RBM19: variants seen among roughly 807,000 people sequenced by gnomAD.
RBM19 encodes the protein RNA binding motif protein 19.
Under a neutral mutation model 116.8 loss-of-function variants are expected in RBM19, and 94 were observed. That is an observed-to-expected ratio of 0.80 (90% CI 0.68 to 0.95). The LOEUF is 0.95. RBM19 is among the 40% of genes least tolerant of loss of function. The probability of loss-of-function intolerance (pLI) is 0.00; values close to 1 mark genes in which losing one functional copy is unlikely to be tolerated. For missense variants in RBM19, 1,161 were observed against 1,220.7 expected (o/e 0.95, Z 0.73); for synonymous variants, 475 against 494.1 (o/e 0.96, Z 0.51).
At chr12:113,858,980 A>T in intron 21 of RBM19, 84 bp from the exon 22 acceptor site, 1 of 1,251,898 alleles carries the variant, frequency 8.0e-7, no homozygotes, top group East Asian at 2.4e-5. Flanking sequence ...TCTCACATGT[A>T]AATCCCTTTG....
intron 16 of RBM19, among the ~76,000 whole-genome samples, chr12:113,930,774 C>A (rs770931576): frequency 2.6e-5 from 4 of 152,184 alleles, no homozygotes; most frequent in Non-Finnish European, 4.4e-5. Flanking sequence ...ACACCTGAAA[C>A]TTCACCCTGG....
intron 21 of RBM19, among the ~76,000 whole-genome samples, chr12:113,912,740 A>G (rs1882517338): frequency 6.6e-6 from 1 of 152,146 alleles, no homozygotes; most frequent in African/African-American, 2.4e-5. Context: ...AACCCATAGA[A>G]CCTGCCTGCC....
chr12:113,844,086 G>A (rs1283338303), intron 23 of RBM19, among the ~76,000 whole-genome samples: 3 of 152,218 alleles, frequency 2.0e-5, no homozygotes, highest in Admixed American at 6.5e-5. Flanking sequence ...AGGTCACAGC[G>A]GGCGCTCAGT....
At chr12:113,938,413 C>T (rs1301026015) in intron 15 of RBM19, among the ~76,000 whole-genome samples, 1 of 110,702 alleles carries the variant, frequency 9.0e-6, no homozygotes. Context: ...GAATATCTAT[C>T]TCTAAGAATT....
At chr12:113,921,307 G>A (rs965443560) in intron 18 of RBM19, among the ~76,000 whole-genome samples, 1 of 152,152 alleles carries the variant, frequency 6.6e-6, no homozygotes, top group Non-Finnish European at 1.5e-5. Flanking sequence ...ACTGGGGAGG[G>A]AGGAGTGTTT....
At chr12:113,894,356 A>T (rs1346538137) in intron 21 of RBM19, among the ~76,000 whole-genome samples, 1 of 152,222 alleles carries the variant, frequency 6.6e-6, no homozygotes, top group Non-Finnish European at 1.5e-5. Context: ...TTAATCTTGA[A>T]GTTTTAGGTA....
chr12:113,920,999 T>C (rs916368241), intron 18 of RBM19, among the ~76,000 whole-genome samples: 6 of 152,216 alleles, frequency 3.9e-5, no homozygotes, highest in African/African-American at 1.4e-4. Context: ...GAGATGACCA[T>C]CATGAAGGCA....
Position 113,958,068 on chromosome 12 carries a change from C to T in RBM19, c.572-18G>A. The T allele has an allele frequency of 5.0e-6, 8 of 1,597,034 alleles. No individual in the cohort carries two copies. The highest frequency in any genetic ancestry group is 6.8e-6 in the Non-Finnish European group (8 of 1,171,830). On this transcript the variant is annotated intron_variant, in intron 5 of 23. Transcript: ENST00000261741. ...TGCCTCTTCTGGAAAAACAGGGAAG[C>T]TGGGATCAGCGACAGCTATGAGCAA...
At chr12:113,911,456 G>A (rs1254246201) in intron 21 of RBM19, among the ~76,000 whole-genome samples, 25 of 152,332 alleles carry the variant, frequency 1.6e-4, no homozygotes, top group African/African-American at 4.8e-5. Flanking sequence ...CAGCACTGCC[G>A]TTGTGGACCT....
intron 21 of RBM19, among the ~76,000 whole-genome samples, chr12:113,895,781 T>G (rs1881277574): frequency 6.6e-6 from 1 of 151,488 alleles, no homozygotes; most frequent in Non-Finnish European, 1.5e-5. Flanking sequence ...TGCAACTACA[T>G]TTTTTAAAAA....
At chr12:113,926,992 G>A (rs896201826) in intron 17 of RBM19, 62 bp downstream of exon 17, 19 of 1,521,350 alleles carry the variant, frequency 1.2e-5, no homozygotes, top group Admixed American at 9.5e-5. Flanking sequence ...TGCAGTGGCC[G>A]TATCAGTAGA....
chr12:113,859,846 A>G (rs1292398900), intron 21 of RBM19, among the ~76,000 whole-genome samples: 1 of 149,370 alleles, frequency 6.7e-6, no homozygotes. Context: ...CTGCCTGGGC[A>G]CACACACATA....
intron 21 of RBM19, among the ~76,000 whole-genome samples, chr12:113,890,054 G>A (rs562633858): frequency 4.0e-4 from 61 of 152,312 alleles, no homozygotes; most frequent in African/African-American, 9.4e-4. Flanking sequence ...TGGTAACCTC[G>A]CTAATTCAAT....
chr12:113,960,644 C>T (rs1872413111), intron 2 of RBM19, among the ~76,000 whole-genome samples: 1 of 152,094 alleles, frequency 6.6e-6, no homozygotes, highest in Non-Finnish European at 1.5e-5. Context: ...TCCACTCTAC[C>T]GGGCGGCTGT....
chr12:113,945,680 C>G (rs1870946112), intron 13 of RBM19, 148 bp downstream of exon 13: 1 of 649,376 alleles, frequency 1.5e-6, no homozygotes, highest in East Asian at 2.8e-5. Context: ...GGGAGAGCAC[C>G]TTCCATTCCA....
intron 21 of RBM19, among the ~76,000 whole-genome samples, chr12:113,892,473 A>G (rs1187243334): frequency 6.6e-6 from 1 of 152,328 alleles, no homozygotes; most frequent in East Asian, 1.9e-4. Context: ...TTTTATAATC[A>G]GGAGAAAGAA....
Position 113,962,006 on chromosome 12 carries a change from CCTGACTCCATGCA to C in RBM19, c.219+213_219+225del, listed in dbSNP as rs541650961. On this transcript the variant is annotated intron_variant, in intron 2 of 23. Transcript: ENST00000261741. ...TTGTTGGATGTGTGAATTCTTGGGT[CCTGACTCCATGCA>C]CTGAATCAGATGCTCTGGGGACGGG... Among the ~76,000 whole-genome samples the C allele has an allele frequency of 9.8e-5, 15 of 152,348 alleles. No homozygotes were observed. In the East Asian group the frequency reaches 2.7e-3, roughly 27 times the overall value.
At chr12:113,932,553 G>GC (rs1181654700) in intron 16 of RBM19, 1 of 152,240 alleles carries the variant, frequency 6.6e-6, no homozygotes, top group Admixed American at 6.5e-5. Flanking sequence ...CGAGTCCACA[G>GC]CTGGGCACCC....
At chr12:113,958,310 A>G (rs1430016810) in intron 5 of RBM19, among the ~76,000 whole-genome samples, 10 of 152,158 alleles carry the variant, frequency 6.6e-5, no homozygotes, top group Non-Finnish European at 1.5e-5. Context: ...CTAGTCCTCT[A>G]CACGGCAGCC....
Sources: gnomAD v4.1 joint callset for allele counts (sites outside exome capture counted in the v4.1 genomes callset) on GRCh38, gnomAD v4.1.1 for gene constraint, MANE v1.5 for transcripts, NCBI Gene and HGNC (gene_info 2026-07-23, HGNC 2026-07-21) for gene names.